OTOGL: variants seen among roughly 807,000 people sequenced by gnomAD.
The protein encoded by OTOGL is otogelin-like protein.
OTOGL carries 285 observed loss-of-function variants against 318.5 expected under a neutral mutation model. That is an observed-to-expected ratio of 0.89 (90% CI 0.81 to 0.99). The LOEUF is 0.99. Among genes scored for constraint, OTOGL ranks in the 50% least tolerant of loss-of-function variants. The probability of loss-of-function intolerance (pLI) is 0.00; values close to 1 mark genes in which losing one functional copy is unlikely to be tolerated. For missense variants in OTOGL, 2,899 were observed against 2,845.6 expected, an observed-to-expected ratio of 1.02 and a Z score of -0.43; for synonymous variants, 987 against 936.5, an observed-to-expected ratio of 1.05 and a Z score of -0.99.
chr12:80,367,590 G>T lies in OTOGL; in HGVS notation c.6361G>T (p.Val2121Leu), dbSNP rs770549946. 19 of 1,542,126 alleles carry T rather than the reference G, an allele frequency of 1.2e-5. No individual in the cohort carries two copies. In the South Asian group the frequency reaches 1.9e-4, roughly 15 times the overall value. Residue 2121 changes from valine to leucine, a missense_variant, in exon 54 of 59, where the codon GTA (valine) becomes TTA (leucine). Physicochemically the swap from Val to Leu is conservative, Grantham distance 32. This residue lies in a region of OTOGL where 289 missense variants were observed against 304.6 expected (regional missense o/e 0.95). Coordinates refer to ENST00000547103, the MANE Select transcript of OTOGL (RefSeq NM_001378609.3). ...GGATGATGTGTGTGTATTTCAAGAA[G>T]TATCAGTATTGAATCCTGGACAATC... ...EKDDVCVFQEVSVLNPGQSMI... is the reference protein window; with the variant it reads ...EKDDVCVFQELSVLNPGQSMI...
chr12:80,313,687 T>C, intron 31 of OTOGL, 55 bp downstream of exon 31: 2 of 1,397,806 alleles, frequency 1.4e-6, no homozygotes, highest in Non-Finnish European at 1.9e-6. Context: ...GAGATACATA[T>C]TAATTGTTGA....
chr12:80,276,922 A>G (rs1883851373), intron 24 of OTOGL, among the ~76,000 whole-genome samples: 2 of 151,712 alleles, frequency 1.3e-5, no homozygotes, highest in Middle Eastern at 3.4e-3. Context: ...GAGAGAAAGC[A>G]GAGAGCTAAA....
intron 1 of OTOGL, among the ~76,000 whole-genome samples, chr12:80,115,118 C>T (rs531248442): frequency 5.9e-4 from 90 of 152,178 alleles, no homozygotes; most frequent in African/African-American, 2.1e-3. Flanking sequence ...AACTCATTCT[C>T]TGTCCAGTTT....
At chr12:80,205,863 A>G (rs17006487) in intron 1 of OTOGL, among the ~76,000 whole-genome samples, 2,386 of 152,326 alleles carry the variant, frequency 0.016, 74 homozygotes, top group African/African-American at 0.054. Flanking sequence ...TTCATTACAA[A>G]TATCCCATTA....
intron 1 of OTOGL, among the ~76,000 whole-genome samples, chr12:80,188,296 T>C (rs1875435722): frequency 6.6e-6 from 1 of 152,012 alleles, no homozygotes; most frequent in Non-Finnish European, 1.5e-5. Flanking sequence ...TCCCAGCACT[T>C]TGAGAGGCCG....
chr12:80,103,892 T>G (rs1869296545), intron 1 of OTOGL, among the ~76,000 whole-genome samples: 1 of 152,248 alleles, frequency 6.6e-6, no homozygotes, highest in Non-Finnish European at 1.5e-5. Flanking sequence ...AACTTTTGCC[T>G]TGTTTCTGAA....
chr12:80,214,914 T>C (rs529374687), intron 4 of OTOGL, among the ~76,000 whole-genome samples: 1 of 152,232 alleles, frequency 6.6e-6, no homozygotes, highest in African/African-American at 2.4e-5. Context: ...AATAAATAAA[T>C]AAAATCTGCA....
rs773794520 is a variant in OTOGL, at chr12:80,356,904, C to T, written c.6009C>T (p.Ser2003=). 1.0e-4 allele frequency: 158 copies of T among 1,583,016 alleles called. No homozygotes were observed. Among genetic ancestry groups the T allele is most frequent in the Non-Finnish European group, 1.3e-4 (151 of 1,163,946 alleles). Residue 2003 remains serine, a synonymous_variant, in exon 49 of 59, where the codon TCC becomes TCT. Coordinates refer to ENST00000547103, the MANE Select transcript of OTOGL (RefSeq NM_001378609.3). ...QVRQEEPCCF[S]PFCVCESCTK... Reference sequence around the variant, plus strand: ...GACAGGAAGAACCTTGTTGTTTTTCCCCTTTTTGTGGTGAGTATTGTAGAG... The same window carrying T: ...GACAGGAAGAACCTTGTTGTTTTTCTCCTTTTTGTGGTGAGTATTGTAGAG...
chr12:80,161,306 C>G (rs978695861), intron 1 of OTOGL, among the ~76,000 whole-genome samples: 5 of 151,828 alleles, frequency 3.3e-5, no homozygotes, highest in Non-Finnish European at 5.9e-5. Context: ...CGTGGAAAAA[C>G]TGTAACTAGG....
intron 1 of OTOGL, among the ~76,000 whole-genome samples, chr12:80,112,025 T>G (rs1869871285): frequency 6.6e-6 from 1 of 152,132 alleles, no homozygotes; most frequent in South Asian, 2.1e-4. Context: ...AATGGGAGTT[T>G]GCTCATTATT....
intron 21 of OTOGL, 85 bp downstream of exon 21, chr12:80,266,701 G>T: frequency 7.6e-7 from 1 of 1,308,450 alleles, no homozygotes; most frequent in Non-Finnish European, 1.0e-6. Flanking sequence ...GGAAGTTTTT[G>T]AAAAAAATAT....
chr12:80,217,709 T>A (rs922682232), intron 5 of OTOGL, 45 bp downstream of exon 5: 1 of 1,353,230 alleles, frequency 7.4e-7, no homozygotes, highest in Non-Finnish European at 1.0e-6. Context: ...TCTCAGAAAA[T>A]CCCTTTGGGG....
chr12:80,339,298 G>GGTTTTTTT (rs1183997607), intron 43 of OTOGL, 34 bp downstream of exon 43: 1 of 445,022 alleles, frequency 2.2e-6, no homozygotes, highest in African/African-American at 3.3e-5. Flanking sequence ...GATTTCGTCT[G>GGTTTTTTT]TTTTTTTTTT....
At chr12:80,162,398 A>T (rs530815314) in intron 1 of OTOGL, among the ~76,000 whole-genome samples, 16 of 152,110 alleles carry the variant, frequency 1.1e-4, no homozygotes, top group Non-Finnish European at 1.8e-4. Flanking sequence ...CTGTGGCTAG[A>T]GTGAAGTTAG....
At chr12:80,308,038 C>T (rs867004520) in intron 29 of OTOGL, among the ~76,000 whole-genome samples, 6 of 115,184 alleles carry the variant, frequency 5.2e-5, no homozygotes, top group South Asian at 2.8e-4. Flanking sequence ...CGGCTGGCCG[C>T]GCGGGGGGCT....
chr12:80,360,669 A>G (rs112664454), intron 52 of OTOGL, among the ~76,000 whole-genome samples: 18,925 of 151,434 alleles, frequency 0.12, 2,701 homozygotes, highest in African/African-American at 0.35. Flanking sequence ...TTTAGTAGAG[A>G]CGGGGTTTCA....
At chr12:80,180,337 A>G (rs1215668327) in intron 1 of OTOGL, among the ~76,000 whole-genome samples, 1 of 152,118 alleles carries the variant, frequency 6.6e-6, no homozygotes, top group African/African-American at 2.4e-5. Context: ...GCCTAGGATG[A>G]CCTAGTATGT....
At chr12:80,294,548 C>T (rs1349344952) in intron 26 of OTOGL, among the ~76,000 whole-genome samples, 1 of 152,040 alleles carries the variant, frequency 6.6e-6, no homozygotes, top group Non-Finnish European at 1.5e-5. Context: ...ATCTTAATGA[C>T]CCTTATTATT....
At chr12:80,249,244 C>A (rs1369372234) in intron 11 of OTOGL, among the ~76,000 whole-genome samples, 1 of 150,240 alleles carries the variant, frequency 6.7e-6, no homozygotes, top group East Asian at 1.9e-4. Flanking sequence ...AGGCGCTCTG[C>A]GTTTTAGAGT....
Sources: allele counts gnomAD v4.1 joint callset (sites outside exome capture counted in the v4.1 genomes callset), GRCh38; gene constraint gnomAD v4.1.1; regional missense constraint gnomAD v4.1.1; transcripts MANE v1.5; gene names NCBI Gene and HGNC (gene_info 2026-07-23, HGNC 2026-07-21).